The following CYTH1 variants were observed in gnomAD, a reference collection of about 807,000 sequenced individuals.
CYTH1 encodes the protein cytohesin-1.
In CYTH1, 18 loss-of-function variants were observed where a neutral mutation model predicts 61.8. The ratio of observed to expected loss-of-function variants is 0.29; its 90% CI spans 0.20 to 0.43. The LOEUF is 0.43. Ranked by LOEUF, CYTH1 falls within the 20% of genes least tolerant of loss-of-function variation. The pLI is 1.00. For synonymous variants in CYTH1, 174 were observed against 184.3 expected (o/e 0.94, Z 0.45); for missense variants, 336 against 510.5 (o/e 0.66, Z 3.29).
chr17:78,685,854 T>C (rs1441771976), intron 11 of CYTH1, among the ~76,000 whole-genome samples: 1 of 152,236 alleles, frequency 6.6e-6, no homozygotes, highest in Non-Finnish European at 1.5e-5. Flanking sequence ...TCTTCAAAAC[T>C]GTGCAGACCT....
chr17:78,756,979 CTTT>C (rs1014223113), intron 1 of CYTH1, among the ~76,000 whole-genome samples: 2 of 141,478 alleles, frequency 1.4e-5, no homozygotes, highest in Non-Finnish European at 3.1e-5. Flanking sequence ...GAATTTTTTT[CTTT>C]TTTTTCTTTT....
intron 1 of CYTH1, among the ~76,000 whole-genome samples, chr17:78,754,800 C>T (rs1026835125): frequency 2.6e-5 from 4 of 152,192 alleles, no homozygotes; most frequent in Non-Finnish European, 4.4e-5. Context: ...GCATATTATA[C>T]TTATGTTAAA....
chr17:78,775,761 AT>A (rs1383521527), intron 1 of CYTH1, among the ~76,000 whole-genome samples: 1 of 152,240 alleles, frequency 6.6e-6, no homozygotes, highest in Non-Finnish European at 1.5e-5. Context: ...AACTTCCCTA[AT>A]TGAAGCTAAC....
chr17:78,777,389 G>C (rs2093496852), intron 1 of CYTH1, among the ~76,000 whole-genome samples: 1 of 152,146 alleles, frequency 6.6e-6, no homozygotes, highest in Non-Finnish European at 1.5e-5. Context: ...CTGCACTCTA[G>C]CCTGGGCAAC....
intron 1 of CYTH1, among the ~76,000 whole-genome samples, chr17:78,739,872 AAG>A (rs1429376440): frequency 9.2e-5 from 14 of 152,242 alleles, no homozygotes; most frequent in Non-Finnish European, 1.8e-4. Flanking sequence ...TGAGGTGTAA[AAG>A]AGAGAAGTCA....
rs1000944021 is a variant in CYTH1, at chr17:78,709,431, T to C, written c.105+219A>G. ...TCTCCAGCTCCGACAACCGACCAAC[T>C]GGGTGAACCTGGACAAGCCACTCAA... On this transcript the variant is annotated intron_variant, in intron 2 of 13. Coordinates refer to ENST00000446868, the MANE Select transcript of CYTH1 (RefSeq NM_004762.6). The C allele has an allele frequency of 2.3e-5, 12 of 516,654 alleles. No homozygotes were observed. In the Admixed American group the frequency reaches 4.3e-4, roughly 19 times the overall value. 32.0% of individuals were successfully genotyped at this position (516,654 alleles called of 1,614,324 possible).
At position 78,760,494 on chromosome 17, in the gene CYTH1, TATAC is replaced by T. The variant is rs1555615342; in HGVS notation, c.22+21704_22+21707del. ...ATGTATATATATGTATGTATATATA[TATAC>T]ATATATATGTATATATATGTATATA... On this transcript the variant is annotated intron_variant, in intron 1 of 13. Transcript: ENST00000446868. Among the ~76,000 whole-genome samples the T allele has an allele frequency of 3.1e-3, 154 of 49,616 alleles. 47 individuals carry two copies. Among genetic ancestry groups the T allele is most frequent in the Non-Finnish European group, 3.7e-3 (102 of 27,820 alleles). The allele number at this position is 49,616 out of a possible 152,430, so 32.6% of individuals were successfully genotyped here. A position where few individuals can be genotyped will look rare whatever the true frequency, so the allele number is the denominator to read the frequency against.
chr17:78,677,123 G>A (rs1358103458), intron 13 of CYTH1: 3 of 454,836 alleles, frequency 6.6e-6, no homozygotes, highest in Non-Finnish European at 1.3e-5. Context: ...GAACTGAAGA[G>A]CACTAGAAAC....
Position 78,698,954 on chromosome 17 carries a change from G to T in CYTH1, c.565C>A (p.Leu189Ile). 1.2e-6 allele frequency: 2 copies of T among 1,610,074 alleles called. No individual in the cohort carries two copies. Among genetic ancestry groups the T allele is most frequent in the Non-Finnish European group, 8.5e-7 (1 of 1,178,654 alleles). The change falls in exon 8 of 14, where the codon CTC becomes ATC. Residue 189 changes from leucine (L) to isoleucine (I), a missense_variant. By Grantham distance (5) the Leu-to-Ile change is conservative. This residue lies in a region of CYTH1 where 125 missense variants were observed against 209.9 expected (regional missense o/e 0.60). Coordinates refer to ENST00000446868, the MANE Select transcript of CYTH1 (RefSeq NM_004762.6). ...VFQSTDTCYV[L>I]SFAIIMLNTS... ...TTCAACATGATGATGGCAAAGGAGA[G>T]GACGTAACAAGTATCTAAAGATGAG... is the stretch of plus-strand genomic sequence containing the variant.
chr17:78,737,581 G>A (rs1270073295), intron 1 of CYTH1, among the ~76,000 whole-genome samples: 7 of 146,580 alleles, frequency 4.8e-5, no homozygotes, highest in Non-Finnish European at 7.4e-5. Flanking sequence ...CAGGCTAAAA[G>A]CAGAAAGCAG....
chr17:78,731,726 C>A (rs561333252), intron 1 of CYTH1, among the ~76,000 whole-genome samples: 8 of 147,838 alleles, frequency 5.4e-5, no homozygotes, highest in African/African-American at 2.0e-4. Flanking sequence ...CCACTGCACT[C>A]CAGCCTGGGC....
In CYTH1 at chr17:78,760,403, ATATG is replaced by A. The variant is rs1417186749; in HGVS notation, c.22+21795_22+21798del. Among the ~76,000 whole-genome samples the A allele has an allele frequency of 2.5e-3, 162 of 64,920 alleles. 11 individuals carry two copies. Among genetic ancestry groups the A allele is most frequent in the African/African-American group, 8.0e-3 (144 of 18,064 alleles). 42.6% of individuals were successfully genotyped at this position (64,920 alleles called of 152,430 possible). A position where few individuals can be genotyped will look rare whatever the true frequency, so the allele number is the denominator to read the frequency against. Reference sequence around the variant, plus strand: ...TATATATACACACACATACATATATATATGTGTATATATATATATATACACATAC... The same window carrying A: ...TATATATACACACACATACATATATATGTATATATATATATATACACATAC... On this transcript the variant is annotated intron_variant, in intron 1 of 13. Coordinates refer to ENST00000446868, the MANE Select transcript of CYTH1 (RefSeq NM_004762.6).
intron 1 of CYTH1, among the ~76,000 whole-genome samples, chr17:78,739,166 C>A (rs541378027): frequency 1.1e-4 from 16 of 152,340 alleles, no homozygotes; most frequent in African/African-American, 3.8e-4. Context: ...TTGTAGATTA[C>A]AAATCCTTTG....
intron 9 of CYTH1, 122 bp downstream of exon 9, chr17:78,698,141 ACGCACG>A (rs1317430899): frequency 1.0e-5 from 8 of 774,736 alleles, no homozygotes; most frequent in African/African-American, 1.8e-5. Context: ...GTGCACACAC[ACGCACG>A]CGCACACATG....
chr17:78,694,381 C>T (rs141941490), intron 10 of CYTH1, among the ~76,000 whole-genome samples: 1 of 152,288 alleles, frequency 6.6e-6, no homozygotes, highest in East Asian at 1.9e-4. Context: ...TCATGTGAGC[C>T]CTTGCCACTG....
chr17:78,714,873 A>G (rs2093167859), intron 1 of CYTH1, among the ~76,000 whole-genome samples: 2 of 146,236 alleles, frequency 1.4e-5, no homozygotes, highest in African/African-American at 2.5e-5. Context: ...AAAAAGAAAG[A>G]AAAAAAAAAC....
chr17:78,727,430 T>C (rs976796864), intron 1 of CYTH1, among the ~76,000 whole-genome samples: 3 of 152,248 alleles, frequency 2.0e-5, no homozygotes, highest in Admixed American at 6.5e-5. Flanking sequence ...AACTGGCATC[T>C]GTTCCTGCTC....
chr17:78,695,878 A>G lies in CYTH1; in HGVS notation c.814+129T>C, dbSNP rs1362349178. 1.0e-5 allele frequency: 13 copies of G among 1,282,302 alleles called. No individual in the cohort carries two copies. The African/African-American group carries it at 1.5e-4, about 15-fold the overall frequency. The allele number at this position is 1,282,302 out of a possible 1,614,324, so 79.4% of individuals were successfully genotyped here. On this transcript the variant is annotated intron_variant, in intron 10 of 13. Transcript: ENST00000446868. ...CCAGTTCCCTAGGGACTGTACAATA[A>G]GTTAGAAGCAGCATTAACACTACCA...
At chr17:78,780,947 T>C (rs1372858718) in intron 1 of CYTH1, among the ~76,000 whole-genome samples, 2 of 151,842 alleles carry the variant, frequency 1.3e-5, no homozygotes, top group East Asian at 1.9e-4. Flanking sequence ...GAGGCCGAGG[T>C]TGCAGTGAGC....
Sources: gnomAD v4.1 joint callset for allele counts (sites outside exome capture counted in the v4.1 genomes callset) on GRCh38, gnomAD v4.1.1 for gene constraint, gnomAD v4.1.1 regional missense constraint, MANE v1.5 for transcripts, NCBI Gene and HGNC (gene_info 2026-07-23, HGNC 2026-07-21) for gene names.